AMPH: variants seen among roughly 807,000 people sequenced by gnomAD.
AMPH encodes amphiphysin (Stiff-Mann syndrome with breast cancer 128kD autoantigen).
A neutral mutation model predicts 99.1 loss-of-function variants in AMPH; 49 were observed. That is an observed-to-expected ratio of 0.49 (90% CI 0.39 to 0.63). AMPH has a LOEUF of 0.63. Ranked by LOEUF, AMPH falls within the 20% of genes least tolerant of loss-of-function variation. AMPH has a pLI of 0.00. For synonymous variants in AMPH, 314 were observed against 317.3 expected (o/e 0.99, Z 0.11); for missense variants, 759 against 863.4 (o/e 0.88, Z 1.52).
intron 13 of AMPH, among the ~76,000 whole-genome samples, chr7:38,431,288 C>A (rs1240926260): frequency 6.6e-6 from 1 of 152,206 alleles, no homozygotes; most frequent in African/African-American, 2.4e-5. Flanking sequence ...CTTATTTAAA[C>A]CTCACACAAC....
intron 1 of AMPH, among the ~76,000 whole-genome samples, chr7:38,625,559 G>C (rs1181090835): frequency 6.6e-6 from 1 of 152,124 alleles, no homozygotes; most frequent in Non-Finnish European, 1.5e-5. Flanking sequence ...GAAAATATAA[G>C]ATGTCCACCT....
At chr7:38,398,106 CAA>C (rs36053688) in intron 17 of AMPH, among the ~76,000 whole-genome samples, 51 of 65,668 alleles carry the variant, frequency 7.8e-4, no homozygotes, top group Non-Finnish European at 1.4e-3. Context: ...GGAGGTTCCT[CAA>C]AAAAAAAAAA....
chr7:38,560,124 C>T (rs1791504920), intron 1 of AMPH, among the ~76,000 whole-genome samples: 1 of 152,220 alleles, frequency 6.6e-6, no homozygotes, highest in Non-Finnish European at 1.5e-5. Context: ...TATCTCTCCA[C>T]CCTTGAATTT....
chr7:38,501,111 C>T (rs954579901), intron 3 of AMPH, among the ~76,000 whole-genome samples: 6 of 152,148 alleles, frequency 3.9e-5, no homozygotes, highest in Non-Finnish European at 8.8e-5. Flanking sequence ...AAACACAGAA[C>T]GAAATATGCA....
At chr7:38,446,770 A>T (rs1786800597) in intron 11 of AMPH, among the ~76,000 whole-genome samples, 1 of 152,224 alleles carries the variant, frequency 6.6e-6, no homozygotes, top group Admixed American at 6.5e-5. Flanking sequence ...AAACATGTAC[A>T]GTTTATTGTA....
At chr7:38,430,425 G>A (rs76097027) in intron 13 of AMPH, among the ~76,000 whole-genome samples, 7,245 of 152,232 alleles carry the variant, frequency 0.048, 554 homozygotes, top group African/African-American at 0.16. Context: ...ATCTTGCAAA[G>A]TTGAGAAGAT....
chr7:38,482,466 G>A (rs1788322225), intron 5 of AMPH, among the ~76,000 whole-genome samples: 1 of 152,072 alleles, frequency 6.6e-6, no homozygotes, highest in Non-Finnish European at 1.5e-5. Flanking sequence ...AATAAACTGA[G>A]AAGACCAGCC....
Position 38,627,974 on chromosome 7 carries a change from T to C in AMPH, c.69+3309A>G, listed in dbSNP as rs899472128. On this transcript the variant is annotated intron_variant, in intron 1 of 20. Transcript: ENST00000356264. ...AGAGAAACCAGACAAAACCAACCAA[T>C]AGATGTAAGCAGATATACATAAAAC... Among the ~76,000 whole-genome samples the C allele has an allele frequency of 3.9e-5, 6 of 152,144 alleles. 1 individual carries two copies. The highest frequency in any genetic ancestry group is 6.3e-3 in the Middle Eastern group (2 of 316).
intron 1 of AMPH, among the ~76,000 whole-genome samples, chr7:38,553,994 C>T (rs908697364): frequency 1.9e-4 from 29 of 152,240 alleles, no homozygotes; most frequent in Non-Finnish European, 2.9e-4. Flanking sequence ...GAGCACTCCT[C>T]ATAAGGTGCT....
At chr7:38,471,898 G>GA (rs200421843) in intron 7 of AMPH, among the ~76,000 whole-genome samples, 11 of 151,934 alleles carry the variant, frequency 7.2e-5, no homozygotes, top group South Asian at 4.1e-4. Context: ...AGTTTATAAA[G>GA]AAAAAACAGT....
intron 2 of AMPH, among the ~76,000 whole-genome samples, chr7:38,505,860 T>C (rs1212247999): frequency 6.6e-6 from 1 of 151,964 alleles, no homozygotes; most frequent in Non-Finnish European, 1.5e-5. Flanking sequence ...ACATAAATAG[T>C]GGAAAAAATA....
intron 16 of AMPH, chr7:38,421,032 G>A (rs1192268709): frequency 2.2e-6 from 1 of 456,656 alleles, no homozygotes; most frequent in Non-Finnish European, 4.4e-6. Context: ...TCAGAGGGCA[G>A]GACCAAGGTT....
intron 1 of AMPH, among the ~76,000 whole-genome samples, chr7:38,587,740 A>C (rs73126136): frequency 0.063 from 9,614 of 152,154 alleles, 512 homozygotes; most frequent in East Asian, 0.25. Context: ...GTGTATGCCA[A>C]TGTCTTCAGT....
intron 5 of AMPH, among the ~76,000 whole-genome samples, chr7:38,482,768 G>A (rs531119158): frequency 6.6e-6 from 1 of 152,174 alleles, no homozygotes; most frequent in African/African-American, 2.4e-5. Flanking sequence ...AGCTGCTTTG[G>A]AATTTTCAGG....
chr7:38,441,088 C>A (rs1786487771), intron 11 of AMPH, among the ~76,000 whole-genome samples: 1 of 151,700 alleles, frequency 6.6e-6, no homozygotes, highest in Non-Finnish European at 1.5e-5. Context: ...ATGCACCATG[C>A]CAATCTAACA....
chr7:38,530,394 C>T (rs534397223), intron 2 of AMPH, among the ~76,000 whole-genome samples: 2 of 152,152 alleles, frequency 1.3e-5, no homozygotes, highest in African/African-American at 2.4e-5. Flanking sequence ...ATCACTCAGT[C>T]GTGGCCATGG....
chr7:38,598,895 G>A (rs17414590), intron 1 of AMPH, among the ~76,000 whole-genome samples: 23,216 of 151,936 alleles, frequency 0.15, 2,076 homozygotes, highest in Non-Finnish European at 0.21. Context: ...GGCTTCTTAA[G>A]TAGACACTCA....
chr7:38,437,046 A>G (rs979507017), intron 11 of AMPH, among the ~76,000 whole-genome samples: 12 of 152,348 alleles, frequency 7.9e-5, no homozygotes, highest in Admixed American at 7.8e-4. Context: ...ATGAGCTCCC[A>G]TTAATAATAT....
intron 17 of AMPH, among the ~76,000 whole-genome samples, chr7:38,409,790 CT>C (rs1408938273): frequency 6.6e-6 from 1 of 152,210 alleles, no homozygotes; most frequent in East Asian, 1.9e-4. Context: ...AAATTAAAGT[CT>C]TCTACAGAGA....
Sources: gnomAD v4.1 joint callset for allele counts (sites outside exome capture counted in the v4.1 genomes callset) on GRCh38, gnomAD v4.1.1 for gene constraint, MANE v1.5 for transcripts, NCBI Gene and HGNC (gene_info 2026-07-23, HGNC 2026-07-21) for gene names.